The following KCNB2 variants were observed in gnomAD, a reference collection of about 807,000 sequenced individuals.
KCNB2 encodes potassium voltage-gated channel subfamily B member 2.
A neutral mutation model predicts 61.5 loss-of-function variants in KCNB2; 15 were observed. The observed-to-expected ratio is 0.24, with a 90% CI of 0.16 to 0.38. KCNB2 has a LOEUF of 0.38. Ranked by LOEUF, KCNB2 falls within the 10% of genes least tolerant of loss-of-function variation. The probability of loss-of-function intolerance (pLI) is 1.00; values close to 1 mark genes in which losing one functional copy is unlikely to be tolerated. For missense variants in KCNB2, 828 were observed against 1,125.2 expected (o/e 0.74, Z 3.78); for synonymous variants, 457 against 446.0 (o/e 1.02, Z -0.31).
chr8:72,800,674 A>G (rs1048627859), intron 2 of KCNB2, among the ~76,000 whole-genome samples: 8 of 151,916 alleles, frequency 5.3e-5, no homozygotes, highest in Non-Finnish European at 7.4e-5. Context: ...CAATGACACA[A>G]TCTTTACTAT....
At chr8:72,611,631 G>T (rs1391187537) in intron 2 of KCNB2, among the ~76,000 whole-genome samples, 2 of 152,172 alleles carry the variant, frequency 1.3e-5, no homozygotes, top group Non-Finnish European at 2.9e-5. Context: ...AACCGGCTTT[G>T]CTGTTTACTG....
chr8:72,865,504 C>T (rs530270349), intron 2 of KCNB2, among the ~76,000 whole-genome samples: 89 of 152,200 alleles, frequency 5.8e-4, no homozygotes, highest in African/African-American at 1.9e-3. Flanking sequence ...TAGCACAGTA[C>T]TTGACACTCA....
chr8:72,776,131 C>T (rs1375354887), intron 2 of KCNB2, among the ~76,000 whole-genome samples: 1 of 151,932 alleles, frequency 6.6e-6, no homozygotes, highest in Non-Finnish European at 1.5e-5. Flanking sequence ...AACCATCATT[C>T]TCAGCAAACT....
At chr8:72,678,934 C>CT (rs1415436557) in intron 2 of KCNB2, among the ~76,000 whole-genome samples, 2 of 152,166 alleles carry the variant, frequency 1.3e-5, no homozygotes, top group African/African-American at 2.4e-5. Flanking sequence ...CCATGGGTCT[C>CT]TGTGCAGATT....
intron 2 of KCNB2, among the ~76,000 whole-genome samples, chr8:72,764,132 T>A (rs1056136336): frequency 6.6e-6 from 1 of 152,086 alleles, no homozygotes; most frequent in Non-Finnish European, 1.5e-5. Context: ...CTCAGCTAGA[T>A]GCCAATGACC....
At chr8:72,884,567 T>C (rs1805771193) in intron 2 of KCNB2, among the ~76,000 whole-genome samples, 1 of 152,204 alleles carries the variant, frequency 6.6e-6, no homozygotes, top group African/African-American at 2.4e-5. Flanking sequence ...CATTATTTTC[T>C]AAAAGTTTTC....
chr8:72,553,165 C>A (rs1045211470), intron 1 of KCNB2, among the ~76,000 whole-genome samples: 3 of 152,088 alleles, frequency 2.0e-5, no homozygotes, highest in African/African-American at 7.2e-5. Flanking sequence ...CTGTTTCATA[C>A]ATTTTGGATA....
At chr8:72,897,019 C>T (rs1034906935) in intron 2 of KCNB2, among the ~76,000 whole-genome samples, 1 of 152,092 alleles carries the variant, frequency 6.6e-6, no homozygotes, top group East Asian at 1.9e-4. Context: ...CTTGCAAATG[C>T]ATAGACTTAT....
At chr8:72,748,163 T>A (rs1471731924) in intron 2 of KCNB2, among the ~76,000 whole-genome samples, 1 of 152,234 alleles carries the variant, frequency 6.6e-6, no homozygotes, top group Non-Finnish European at 1.5e-5. Context: ...ATTATCTTAA[T>A]TTAACATGAG....
At chr8:72,750,203 T>C (rs1351405311) in intron 2 of KCNB2, 1 of 152,180 alleles carries the variant, frequency 6.6e-6, no homozygotes, top group Non-Finnish European at 1.5e-5. Context: ...TTATCTATTT[T>C]GTTACATGTC....
intron 2 of KCNB2, among the ~76,000 whole-genome samples, chr8:72,664,861 T>A (rs116359427): frequency 3.1e-3 from 467 of 152,292 alleles, no homozygotes; most frequent in African/African-American, 0.011. Context: ...AGTAAGGTTA[T>A]CAGGGAAGGC....
At chr8:72,728,600 TA>T (rs1807689131) in intron 2 of KCNB2, among the ~76,000 whole-genome samples, 1 of 152,330 alleles carries the variant, frequency 6.6e-6, no homozygotes, top group South Asian at 2.1e-4. Context: ...ATATCTATGA[TA>T]TAATATATAA....
At chr8:72,630,278 AT>A (rs942026152) in intron 2 of KCNB2, among the ~76,000 whole-genome samples, 49 of 151,736 alleles carry the variant, frequency 3.2e-4, no homozygotes, top group Admixed American at 1.7e-3. Flanking sequence ...CTTCAAGCAA[AT>A]TTTTTTTTCT....
intron 2 of KCNB2, among the ~76,000 whole-genome samples, chr8:72,817,914 T>C (rs1262876491): frequency 6.6e-6 from 1 of 152,148 alleles, no homozygotes; most frequent in East Asian, 1.9e-4. Flanking sequence ...CTACTACACT[T>C]CAAACCAATA....
rs190040491 is a variant in KCNB2 at position 72,540,806 on chromosome 8, T to G, written c.-94+2921T>G. ...AACCCTCTTATATTATCTTAAAAAGTGCGTATTCCTATAGGTTGAATTTTA... is the reference window on the plus strand; with the variant it reads ...AACCCTCTTATATTATCTTAAAAAGGGCGTATTCCTATAGGTTGAATTTTA... On this transcript the variant is annotated intron_variant, in intron 1 of 2. Transcript: ENST00000523207. Among the ~76,000 whole-genome samples the G allele has an allele frequency of 4.3e-4, 65 of 152,232 alleles. 1 individual carries two copies. The highest frequency in any genetic ancestry group is 1.4e-3 in the Admixed American group (22 of 15,298).
chr8:72,796,372 A>G (rs1174927677), intron 2 of KCNB2, among the ~76,000 whole-genome samples: 2 of 152,226 alleles, frequency 1.3e-5, no homozygotes, highest in East Asian at 1.9e-4. Context: ...AAGGATATAA[A>G]GATAAATATG....
At chr8:72,857,625 T>A (rs1223956751) in intron 2 of KCNB2, among the ~76,000 whole-genome samples, 1 of 151,170 alleles carries the variant, frequency 6.6e-6, no homozygotes, top group Admixed American at 6.6e-5. Context: ...GTAGATGAAG[T>A]GGAAGCAATG....
At chr8:72,841,361 CTTTTTTTTTTCTTTTTTTTT>C (rs1219878545) in intron 2 of KCNB2, among the ~76,000 whole-genome samples, 1 of 66,192 alleles carries the variant, frequency 1.5e-5, no homozygotes, top group African/African-American at 5.4e-5. Flanking sequence ...GTTTTCTTTT[CTTTTTTTTTTCTTTTTTTTT>C]TTTTTTTTTG....
chr8:72,844,611 A>C (rs535454118), intron 2 of KCNB2, among the ~76,000 whole-genome samples: 1 of 152,170 alleles, frequency 6.6e-6, no homozygotes, highest in Non-Finnish European at 1.5e-5. Flanking sequence ...ACATAATCCC[A>C]TATTTCTTGG....
Sources: allele counts gnomAD v4.1 joint callset (sites outside exome capture counted in the v4.1 genomes callset), GRCh38; gene constraint gnomAD v4.1.1; transcripts MANE v1.5; gene names NCBI Gene and HGNC (gene_info 2026-07-23, HGNC 2026-07-21).